Variants in ZNF177 observed in about 807,000 individuals in gnomAD.
The protein encoded by ZNF177 is zinc finger protein 177.
Under a neutral mutation model 19.4 loss-of-function variants are expected in ZNF177, and 17 were observed. The ratio of observed to expected loss-of-function variants is 0.87; its 90% CI spans 0.60 to 1.31. The LOEUF is 1.31. Ranked by LOEUF, ZNF177 falls within the 40% of genes most tolerant of loss-of-function variation. ZNF177 has a pLI of 0.00. For synonymous variants in ZNF177, 220 were observed against 188.7 expected (o/e 1.17, Z -1.36); for missense variants, 633 against 561.8 (o/e 1.13, Z -1.28).
At chr19:9,379,340 T>C (rs1315415188) in intron 3 of ZNF177, among the ~76,000 whole-genome samples, 187 bp from the exon 6 acceptor site, 3 of 152,272 alleles carry the variant, frequency 2.0e-5, no homozygotes, top group African/African-American at 7.2e-5. Context: ...CACTTCCATA[T>C]AGGGCGTGGA....
chr19:9,374,170 TTG>T (rs2122526165), upstream of ZNF177, among the ~76,000 whole-genome samples: 1 of 152,282 alleles, frequency 6.6e-6, no homozygotes, highest in South Asian at 2.1e-4. Flanking sequence ...CCTCTCCCCA[TTG>T]CTTATTCTTG....
chr19:9,364,502 G>T (rs184540805), intron 1 of ZNF177, among the ~76,000 whole-genome samples: 1 of 152,190 alleles, frequency 6.6e-6, no homozygotes, highest in East Asian at 1.9e-4. Context: ...TCTTTTTGTC[G>T]TGTCGGTGTC....
At chr19:9,373,976 A>T (rs2068079728), upstream of ZNF177, among the ~76,000 whole-genome samples, 1 of 152,160 alleles carries the variant, frequency 6.6e-6, no homozygotes, top group Admixed American at 6.5e-5. Flanking sequence ...TCTTTAAAAA[A>T]AAAATTTGTC....
At chr19:9,380,687 A>T in exon 6 of ZNF177, 1 of 1,535,776 alleles carries the variant, frequency 6.5e-7, no homozygotes. Context: ...CAACCTGGTG[A>T]GCACTCCCTG....
upstream of ZNF177, among the ~76,000 whole-genome samples, chr19:9,375,079 C>T (rs1001023952): frequency 3.3e-5 from 4 of 121,510 alleles, no homozygotes; most frequent in Non-Finnish European, 7.4e-5. Flanking sequence ...AGTGCTTTTT[C>T]TTCATCTATT....
chr19:9,369,437 T>C (rs2068020033), intron 2 of ZNF177, among the ~76,000 whole-genome samples: 1 of 152,150 alleles, frequency 6.6e-6, no homozygotes, highest in South Asian at 2.1e-4. Context: ...TTGGTTAATA[T>C]TCACCTGGTA....
Position 9,379,591 on chromosome 19 carries a change from AAG to A in ZNF177, c.228_229del (p.Gly77AsnfsTer5). The A allele has an allele frequency of 1.2e-6, 2 of 1,613,916 alleles. No homozygotes were observed. Among genetic ancestry groups the A allele is most frequent in the East Asian group, 2.2e-5 (1 of 44,886 alleles). On this transcript the variant is annotated frameshift_variant, in exon 4 of 6. Coordinates refer to ENST00000589262, the Ensembl canonical transcript of ZNF177. LOFTEE classifies it high-confidence loss of function. ...ATCAAGAACAGCTGAAGACAGATGA[AAG>A]AGGAATTTTACAAGGTGACTGTGCA...
At chr19:9,381,648 G>C (rs1362337846) in exon 6 of ZNF177, 1 of 1,613,692 alleles carries the variant, frequency 6.2e-7, no homozygotes, top group Non-Finnish European at 8.5e-7. Context: ...CCTCTTGCCT[G>C]AGGGTACACG....
upstream of ZNF177, among the ~76,000 whole-genome samples, chr19:9,374,654 AG>A (rs1186673320): frequency 6.6e-6 from 1 of 151,896 alleles, no homozygotes; most frequent in Non-Finnish European, 1.5e-5. Context: ...TTATTTTCAT[AG>A]TTTTTTTTAG....
At chr19:9,368,731 A>C (rs954210603) in intron 2 of ZNF177, among the ~76,000 whole-genome samples, 3 of 152,108 alleles carry the variant, frequency 2.0e-5, no homozygotes, top group African/African-American at 7.2e-5. Context: ...TTTCTAATTC[A>C]ATTCTTTTAT....
At chr19:9,363,323 G>C (rs1406164391) in intron 1 of ZNF177, 1 of 152,284 alleles carries the variant, frequency 6.6e-6, no homozygotes, top group Non-Finnish European at 1.5e-5. Context: ...GAGTGCGTCG[G>C]CGGGGCCTTT....
At chr19:9,376,263 C>CTACT (rs2068108295), upstream of ZNF177, 1 of 152,178 alleles carries the variant, frequency 6.6e-6, no homozygotes, top group Admixed American at 6.6e-5. Context: ...GTAGCTGGGA[C>CTACT]TACTGGCAGA....
exon 4 of ZNF177, chr19:9,379,542 G>T: frequency 6.2e-7 from 1 of 1,613,818 alleles, no homozygotes; most frequent in South Asian, 1.1e-5. Context: ...CAGCTCTGCA[G>T]ACACAGTCTG....
At chr19:9,370,663 C>A (rs2068036221) in intron 2 of ZNF177, among the ~76,000 whole-genome samples, 1 of 152,130 alleles carries the variant, frequency 6.6e-6, no homozygotes, top group African/African-American at 2.4e-5. Flanking sequence ...TTCAAGGCAT[C>A]CTCCTGCCCC....
upstream of ZNF177, among the ~76,000 whole-genome samples, chr19:9,373,966 T>G (rs1225722540): frequency 6.6e-6 from 1 of 152,156 alleles, no homozygotes; most frequent in Non-Finnish European, 1.5e-5. Context: ...TGGTGTCAAC[T>G]CTTTAAAAAA....
At chr19:9,363,444 G>C (rs1233214318) in intron 1 of ZNF177, among the ~76,000 whole-genome samples, 1 of 152,210 alleles carries the variant, frequency 6.6e-6, no homozygotes, top group Non-Finnish European at 1.5e-5. Flanking sequence ...GGCATATCTT[G>C]GGATGCGCGT....
At chr19:9,366,076 G>A (rs561032284) in intron 2 of ZNF177, among the ~76,000 whole-genome samples, 97 of 152,132 alleles carry the variant, frequency 6.4e-4, no homozygotes, top group African/African-American at 2.2e-3. Flanking sequence ...TCTGCCTCCC[G>A]GGTTCAAGTG....
exon 6 of ZNF177, chr19:9,381,121 A>G: frequency 6.2e-7 from 1 of 1,613,860 alleles, no homozygotes; most frequent in Non-Finnish European, 8.5e-7. Context: ...ACATGAGAAA[A>G]CTTTCACTGA....
intron 2 of ZNF177, 143 bp downstream of exon 4, chr19:9,378,487 G>A: frequency 7.8e-7 from 1 of 1,288,454 alleles, no homozygotes; most frequent in Non-Finnish European, 1.1e-6. Context: ...TGTGGAAGAG[G>A]GAATCCCTGG....
Sources: allele counts gnomAD v4.1 joint callset (sites outside exome capture counted in the v4.1 genomes callset), GRCh38; gene constraint gnomAD v4.1.1; transcripts MANE v1.5; gene names NCBI Gene and HGNC (gene_info 2026-07-23, HGNC 2026-07-21).